The following IL4 variants were observed in gnomAD, a reference collection of about 807,000 sequenced individuals.
IL4 encodes interleukin-4.
In IL4, 10 loss-of-function variants were observed where a neutral mutation model predicts 17.4. The ratio of observed to expected loss-of-function variants is 0.57; its 90% CI spans 0.35 to 0.97. IL4 has a LOEUF of 0.97. IL4 is among the 50% of genes least tolerant of loss of function. The pLI, the probability that IL4 is intolerant of heterozygous loss-of-function variation, is 0.01. For missense variants in IL4, 174 were observed against 187.7 expected (o/e 0.93, Z 0.43); for synonymous variants, 87 against 79.0 (o/e 1.10, Z -0.54).
chr5:132,681,693 G>A (rs1308605527), intron 3 of IL4, among the ~76,000 whole-genome samples: 1 of 152,120 alleles, frequency 6.6e-6, no homozygotes, highest in Non-Finnish European at 1.5e-5. Flanking sequence ...AATCATTAGG[G>A]GGCAGAAGTC....
chr5:132,674,557 A>G (rs183313814), intron 2 of IL4, 51 bp downstream of exon 2: 143 of 1,465,010 alleles, frequency 9.8e-5, no homozygotes, highest in Non-Finnish European at 1.3e-4. Context: ...ATCCATCCCC[A>G]AATGTCTGAA....
rs781148776 is a variant in IL4 at position 132,679,793 on chromosome 5, G to C, written c.263G>C (p.Arg88Pro). 6.2e-7 allele frequency: 1 copy of C among 1,614,044 alleles called. No individual in the cohort carries two copies. Among genetic ancestry groups the C allele is most frequent in the Admixed American group, 1.7e-5 (1 of 60,020 alleles). The stretch of plus-strand genomic sequence containing the variant: ...TACAGCCACCATGAGAAGGACACTC[G>C]CTGCCTGGGTGCGACTGCACAGCAG... ...QFYSHHEKDT[R>P]CLGATAQQFH... Residue 88 changes from arginine (R) to proline (P), a missense_variant, in exon 3 of 4, where the codon CGC (arginine) becomes CCC (proline). By Grantham distance (103) the Arg-to-Pro change is moderately radical. Transcript: ENST00000231449.
intron 1 of IL4, 73 bp downstream of exon 1, chr5:132,674,258 TAAC>T: frequency 1.9e-6 from 3 of 1,552,348 alleles, no homozygotes; most frequent in Non-Finnish European, 2.7e-6. Context: ...ATGAAAACGT[TAAC>T]AGCTGCTAGA....
At chr5:132,675,927 A>ATGTGTGTGTG (rs1338820933) in intron 2 of IL4, among the ~76,000 whole-genome samples, 2 of 41,054 alleles carry the variant, frequency 4.9e-5, no homozygotes, top group South Asian at 7.6e-4. Context: ...ATGTGTATGT[A>ATGTGTGTGTG]TATGTGTGTG....
At chr5:132,681,476 C>T (rs7703922) in intron 3 of IL4, among the ~76,000 whole-genome samples, 2 of 151,892 alleles carry the variant, frequency 1.3e-5, no homozygotes, top group Non-Finnish European at 2.9e-5. Context: ...GATAGGGTGG[C>T]GAGAGGAGAC....
At chr5:132,675,893 GTATATA>G (rs751368763) in intron 2 of IL4, among the ~76,000 whole-genome samples, 1 of 144,960 alleles carries the variant, frequency 6.9e-6, no homozygotes, top group Non-Finnish European at 1.5e-5. Context: ...ATGTGTGTGT[GTATATA>G]TATGTGTGTA....
intron 2 of IL4, among the ~76,000 whole-genome samples, chr5:132,678,932 T>C (rs1289953218): frequency 6.6e-6 from 1 of 152,188 alleles, no homozygotes; most frequent in African/African-American, 2.4e-5. Context: ...GGAAGAGCCA[T>C]GTGGCCAGAC....
intron 3 of IL4, among the ~76,000 whole-genome samples, chr5:132,681,496 A>G (rs1752488244): frequency 6.6e-6 from 1 of 152,148 alleles, no homozygotes; most frequent in Non-Finnish European, 1.5e-5. Context: ...CAAAGAAGGA[A>G]CAGTGAGGGC....
chr5:132,679,666 C>T, intron 2 of IL4, 48 bp from the exon 3 acceptor site: 1 of 1,512,040 alleles, frequency 6.6e-7, no homozygotes, highest in Non-Finnish European at 9.0e-7. Context: ...CTCTCCCATC[C>T]TCCAAATGGA....
intron 2 of IL4, among the ~76,000 whole-genome samples, chr5:132,675,636 C>T (rs939063462): frequency 6.6e-6 from 1 of 151,902 alleles, no homozygotes; most frequent in Non-Finnish European, 1.5e-5. Context: ...GCAGCCTCCA[C>T]CTCCCAGGCT....
rs1163223050 is a variant in IL4 at position 132,680,056 on chromosome 5, T to C, written c.360+166T>C. Among the ~76,000 whole-genome samples, 3 of 152,232 alleles carry C rather than the reference T, an allele frequency of 2.0e-5. No individual in the cohort carries two copies. Among genetic ancestry groups the C allele is most frequent in the African/African-American group, 7.2e-5 (3 of 41,458 alleles). On this transcript the variant is annotated intron_variant, in intron 3 of 3. Coordinates refer to ENST00000231449, the MANE Select transcript of IL4 (RefSeq NM_000589.4). This position sits in a 1 kb window ranked among gnomAD's most constrained non-coding sequence, Gnocchi z 4.3. ...GTTCCACAAGTGCTGGGTGTGGTTC[T>C]AGGTGCTGAGGACGTGTCACTAAAG...
intron 2 of IL4, among the ~76,000 whole-genome samples, chr5:132,675,225 A>G (rs1752355059): frequency 6.6e-6 from 1 of 152,212 alleles, no homozygotes; most frequent in Non-Finnish European, 1.5e-5. Context: ...TTTCTCTGAC[A>G]AACACATGAC....
At chr5:132,675,611 C>T (rs907553489) in intron 2 of IL4, among the ~76,000 whole-genome samples, 5 of 150,384 alleles carry the variant, frequency 3.3e-5, no homozygotes, top group African/African-American at 9.8e-5. Context: ...TGCAGTGGTG[C>T]GATTTCAGCT....
intron 1 of IL4, 78 bp from the exon 2 acceptor site, chr5:132,674,381 G>A: frequency 6.9e-7 from 1 of 1,454,476 alleles, no homozygotes; most frequent in Non-Finnish European, 9.7e-7. Context: ...GAGGGAGTGA[G>A]AGCTGCTCAT....
rs150233516 is a variant in IL4 at position 132,675,929 on chromosome 5, A to ATATGTGTGTGTGTG, written c.183+1424_183+1425insATGTGTGTGTGTGT. On this transcript the variant is annotated intron_variant, in intron 2 of 3. Transcript: ENST00000231449. ...TGTGTATGTATATATGTGTATGTAT[A>ATATGTGTGTGTGTG]TGTGTGTGTGTGTGTGTGTGTGTGT... is the stretch of plus-strand genomic sequence containing the variant. Among the ~76,000 whole-genome samples, 305 of 141,050 alleles carry ATATGTGTGTGTGTG rather than the reference A, an allele frequency of 2.2e-3. 5 individuals are homozygous for ATATGTGTGTGTGTG. Among genetic ancestry groups the ATATGTGTGTGTGTG allele is most frequent in the African/African-American group, 7.8e-3 (285 of 36,740 alleles). The allele number at this position is 141,050 out of a possible 152,430, so 92.5% of individuals were successfully genotyped here.
At position 132,682,660 on chromosome 5, in the gene IL4, A is replaced by G; in HGVS notation, c.*73A>G. The G allele has an allele frequency of 2.7e-6, 2 of 727,542 alleles. No homozygotes were observed. Among genetic ancestry groups the G allele is most frequent in the South Asian group, 4.1e-5 (2 of 48,684 alleles). The allele number at this position is 727,542 out of a possible 1,614,324, so 45.1% of individuals were successfully genotyped here. On this transcript the variant is annotated 3_prime_UTR_variant, in exon 4 of 4. Coordinates refer to ENST00000231449, the MANE Select transcript of IL4 (RefSeq NM_000589.4). ...TATATTTATAACTCATCATAAAATAAAGTATATATAGAATCTAACAGCAAT... is the reference window on the plus strand; with the variant it reads ...TATATTTATAACTCATCATAAAATAGAGTATATATAGAATCTAACAGCAAT...
At chr5:132,681,155 T>A (rs888982618) in intron 3 of IL4, among the ~76,000 whole-genome samples, 4 of 152,146 alleles carry the variant, frequency 2.6e-5, no homozygotes, top group Non-Finnish European at 5.9e-5. Context: ...GCTGAAAATC[T>A]GAATGACAGA....
Position 132,675,849 on chromosome 5 carries a change from A to G in IL4, c.183+1343A>G, listed in dbSNP as rs916297806. On this transcript the variant is annotated intron_variant, in intron 2 of 3. Transcript: ENST00000231449. ...AGCCACTGCACCTGGGCAACAGTTT[A>G]TGTGTGTGTGTGTGTGTGTGTGTGT... Among the ~76,000 whole-genome samples, 324 of 145,024 alleles carry G rather than the reference A, an allele frequency of 2.2e-3. 1 individual carries two copies. The highest frequency in any genetic ancestry group is 7.6e-3 in the African/African-American group (294 of 38,658).
chr5:132,675,929 A>ATGTGTGTGTGTGTGTGTGTG (rs2234664), intron 2 of IL4, among the ~76,000 whole-genome samples: 4,672 of 140,816 alleles, frequency 0.033, 121 homozygotes, highest in African/African-American at 0.059. Context: ...GTGTATGTAT[A>ATGTGTGTGTGTGTGTGTGTG]TGTGTGTGTG....
Sources: gnomAD v4.1 joint callset for allele counts (sites outside exome capture counted in the v4.1 genomes callset) on GRCh38, gnomAD v4.1.1 for gene constraint, Gnocchi (gnomAD v3.1) non-coding constraint, MANE v1.5 for transcripts, NCBI Gene and HGNC (gene_info 2026-07-23, HGNC 2026-07-21) for gene names.